The following DEPTOR variants were observed in gnomAD, a reference collection of about 807,000 sequenced individuals.
DEPTOR encodes DEP domain-containing mTOR-interacting protein.
Under a neutral mutation model 41.6 loss-of-function variants are expected in DEPTOR, and 41 were observed. The ratio of observed to expected loss-of-function variants is 0.98; its 90% CI spans 0.77 to 1.28. The LOEUF (loss-of-function observed/expected upper bound fraction) is 1.28. Among genes scored for constraint, DEPTOR ranks in the 50% most tolerant of loss-of-function variants. The pLI, the probability that DEPTOR is intolerant of heterozygous loss-of-function variation, is 0.00. For synonymous variants in DEPTOR, 195 were observed against 192.3 expected (o/e 1.01, Z -0.12); for missense variants, 514 against 527.9 (o/e 0.97, Z 0.26).
At chr8:119,888,754 G>A (rs1827407005) in intron 1 of DEPTOR, among the ~76,000 whole-genome samples, 1 of 151,046 alleles carries the variant, frequency 6.6e-6, no homozygotes, top group Admixed American at 6.6e-5. Context: ...TACTCAGGAG[G>A]CTGAGGCAGA....
chr8:119,991,126 T>TAA (rs1563584775), intron 4 of DEPTOR, among the ~76,000 whole-genome samples: 7 of 135,012 alleles, frequency 5.2e-5, no homozygotes, highest in Non-Finnish European at 1.1e-4. Context: ...CTTTTTTTTT[T>TAA]AAATCTTTTA....
At chr8:119,931,958 GATTATT>G (rs58758138) in intron 3 of DEPTOR, among the ~76,000 whole-genome samples, 35,429 of 142,512 alleles carry the variant, frequency 0.25, 4,615 homozygotes, top group Middle Eastern at 0.37. Flanking sequence ...AATTAAAAAA[GATTATT>G]ATTATTATTA....
intron 8 of DEPTOR, among the ~76,000 whole-genome samples, chr8:120,030,504 T>TTTTTTTTTTTTTTTTTTTTTG (rs1812873472): frequency 8.9e-6 from 1 of 111,928 alleles, no homozygotes; most frequent in Non-Finnish European, 1.8e-5. Flanking sequence ...TCAGTTTTTT[T>TTTTTTTTTTTTTTTTTTTTTG]TTTTTTTTTT....
chr8:119,910,101 T>G (rs7015470), intron 1 of DEPTOR, among the ~76,000 whole-genome samples: 75,805 of 152,074 alleles, frequency 0.5, 20,622 homozygotes, highest in East Asian at 0.92. Flanking sequence ...ATATGAAATT[T>G]TATCTACCAA....
At chr8:120,030,502 T>TTG (rs1339576443) in intron 8 of DEPTOR, among the ~76,000 whole-genome samples, 9 of 111,266 alleles carry the variant, frequency 8.1e-5, no homozygotes, top group African/African-American at 3.0e-4. Context: ...CATCAGTTTT[T>TTG]TTTTTTTTTT....
rs140011375 is a variant in DEPTOR, at chr8:119,877,596, T to G, written c.122+3628T>G. Among the ~76,000 whole-genome samples the G allele has an allele frequency of 3.2e-3, 484 of 152,330 alleles. 1 individual carries two copies. The highest frequency in any genetic ancestry group is 0.011 in the African/African-American group (453 of 41,568). On this transcript the variant is annotated intron_variant, in intron 1 of 8. Transcript: ENST00000286234. ...GCATTACTTTCTGGGTCATCAGAGA[T>G]GAGGTAGAGGTGATAAGAGGAAACC...
chr8:119,962,550 G>A (rs537945055), intron 3 of DEPTOR, among the ~76,000 whole-genome samples: 4 of 152,242 alleles, frequency 2.6e-5, no homozygotes, highest in Admixed American at 6.5e-5. Flanking sequence ...CTGAAAGAGG[G>A]CAGGATCACG....
At position 119,915,321 on chromosome 8, in the gene DEPTOR, C is replaced by CAAG. The variant is rs544698232; in HGVS notation, c.123-13079_123-13078insAAG. Among the ~76,000 whole-genome samples, 238 of 152,278 alleles carry CAAG rather than the reference C, an allele frequency of 1.6e-3. 8 individuals carry two copies. In the South Asian group the frequency reaches 0.049, roughly 32 times the overall value. ...TATTTGATCTTTCTATATATTTTGT[C>CAAG]TTTGTCTAAAATTGTCCCTGAGACT... is the stretch of plus-strand genomic sequence containing the variant. On this transcript the variant is annotated intron_variant, in intron 1 of 8. Transcript: ENST00000286234.
intron 4 of DEPTOR, among the ~76,000 whole-genome samples, chr8:119,991,157 G>A (rs918923328): frequency 1.0e-4 from 15 of 145,996 alleles, no homozygotes; most frequent in African/African-American, 3.8e-4. Flanking sequence ...GGGGGTACAT[G>A]CGAAGGTTTG....
intron 8 of DEPTOR, among the ~76,000 whole-genome samples, chr8:120,046,069 C>T (rs1813148813): frequency 6.6e-6 from 1 of 152,154 alleles, no homozygotes; most frequent in African/African-American, 2.4e-5. Flanking sequence ...AAACCAGCCT[C>T]TCCCTTCTAG....
In DEPTOR at chr8:119,935,999, G is replaced by GTT. The variant is rs67211224; in HGVS notation, c.425+6080_425+6081dup. Reference sequence around the variant, plus strand: ...GGTTCATAGACACATTAGTCTAGTTGTTTTTTTTTTTTTTTTTTTTATCCA... The same window carrying GTT: ...GGTTCATAGACACATTAGTCTAGTTGTTTTTTTTTTTTTTTTTTTTTTATCCA... On this transcript the variant is annotated intron_variant, in intron 3 of 8. Coordinates refer to ENST00000286234, the MANE Select transcript of DEPTOR (RefSeq NM_022783.4). 6.9e-3 allele frequency among the ~76,000 whole-genome samples: 859 copies of GTT among 123,830 alleles called. 6 individuals carry two copies. Among genetic ancestry groups the GTT allele is most frequent in the Middle Eastern group, 0.019 (4 of 216 alleles). The allele number at this position is 123,830 out of a possible 152,430, so 81.2% of individuals were successfully genotyped here. A position where few individuals can be genotyped will look rare whatever the true frequency, so the allele number is the denominator to read the frequency against.
At chr8:120,025,164 G>A (rs1457393888) in intron 8 of DEPTOR, among the ~76,000 whole-genome samples, 14 of 152,192 alleles carry the variant, frequency 9.2e-5, no homozygotes, top group African/African-American at 3.4e-4. Context: ...TTAATTAAAT[G>A]TAATGTTTAA....
intron 4 of DEPTOR, among the ~76,000 whole-genome samples, chr8:119,967,650 A>C (rs1828579966): frequency 6.7e-6 from 1 of 150,206 alleles, no homozygotes; most frequent in African/African-American, 2.4e-5. Context: ...GCTACTCAGG[A>C]GGCTGAGGCA....
At chr8:120,021,002 T>A (rs1812699227) in intron 8 of DEPTOR, among the ~76,000 whole-genome samples, 1 of 149,614 alleles carries the variant, frequency 6.7e-6, no homozygotes, top group Admixed American at 6.7e-5. Flanking sequence ...GAGGTTGCAG[T>A]GAGCTGAGAT....
intron 1 of DEPTOR, among the ~76,000 whole-genome samples, chr8:119,926,464 G>T (rs1468407293): frequency 6.6e-6 from 1 of 152,310 alleles, no homozygotes. Context: ...AGAAAATGCA[G>T]AGTGCCCTCT....
chr8:120,011,020 C>T (rs1812524914), intron 8 of DEPTOR, among the ~76,000 whole-genome samples: 1 of 152,166 alleles, frequency 6.6e-6, no homozygotes, highest in African/African-American at 2.4e-5. Context: ...AGATCATTCC[C>T]CTGTTCATTT....
chr8:120,001,933 A>G (rs1812356819), intron 5 of DEPTOR, among the ~76,000 whole-genome samples: 1 of 152,050 alleles, frequency 6.6e-6, no homozygotes, highest in Non-Finnish European at 1.5e-5. Context: ...GAATTATAGA[A>G]GTCCTCTAGG....
intron 8 of DEPTOR, among the ~76,000 whole-genome samples, chr8:120,016,545 C>T (rs774850943): frequency 9.9e-5 from 15 of 152,010 alleles, no homozygotes; most frequent in African/African-American, 1.9e-4. Flanking sequence ...AAGTGATTCA[C>T]GTGCCCCAGC....
chr8:119,985,795 T>C (rs1452135709), intron 4 of DEPTOR, among the ~76,000 whole-genome samples: 2 of 151,124 alleles, frequency 1.3e-5, no homozygotes, highest in African/African-American at 2.4e-5. Flanking sequence ...TAAAGTCTGT[T>C]TTATCAGAGA....
Sources: allele counts gnomAD v4.1 joint callset (sites outside exome capture counted in the v4.1 genomes callset), GRCh38; gene constraint gnomAD v4.1.1; transcripts MANE v1.5; gene names NCBI Gene and HGNC (gene_info 2026-07-23, HGNC 2026-07-21).